MCTP1: variants seen among roughly 807,000 people sequenced by gnomAD.
The protein encoded by MCTP1 is multiple C2 and transmembrane domain containing 1.
Under a neutral mutation model 120.6 loss-of-function variants are expected in MCTP1, and 69 were observed. That is an observed-to-expected ratio of 0.57 (90% CI 0.47 to 0.70). MCTP1 has a LOEUF of 0.70. MCTP1 is among the 30% of genes least tolerant of loss of function. MCTP1 has a pLI of 0.00. For missense variants in MCTP1, 1,203 were observed against 1,248.8 expected (o/e 0.96, Z 0.55); for synonymous variants, 529 against 493.1 (o/e 1.07, Z -0.96).
chr5:95,071,035 T>C (rs1752015719), intron 1 of MCTP1, among the ~76,000 whole-genome samples: 1 of 152,022 alleles, frequency 6.6e-6, no homozygotes. Context: ...CCAAGCCAAA[T>C]GGACTGGAAC....
rs561892312 is a variant in MCTP1 at position 94,808,344 on chromosome 5, T to C, written c.2437-9212A>G. Reference sequence around the variant, plus strand: ...ACCTTTTCAAGGTGGTTTTAAAGTATGATGTGTTGCTCTTCTGAAGAGAGG... The same window carrying C: ...ACCTTTTCAAGGTGGTTTTAAAGTACGATGTGTTGCTCTTCTGAAGAGAGG... On this transcript the variant is annotated intron_variant, in intron 17 of 22. Coordinates refer to ENST00000515393, the MANE Select transcript of MCTP1 (RefSeq NM_024717.7). Among the ~76,000 whole-genome samples the C allele has an allele frequency of 4.6e-5, 7 of 152,312 alleles. No individual in the cohort carries two copies. In the South Asian group the frequency reaches 1.2e-3, roughly 27 times the overall value.
At chr5:94,931,380 A>G (rs1386098867) in intron 6 of MCTP1, 2 of 152,182 alleles carry the variant, frequency 1.3e-5, no homozygotes, top group East Asian at 1.9e-4. Flanking sequence ...ATCACTGAAC[A>G]AATTAAACAC....
intron 1 of MCTP1, among the ~76,000 whole-genome samples, chr5:95,216,771 G>A (rs187679013): frequency 1.3e-5 from 2 of 152,284 alleles, no homozygotes; most frequent in Admixed American, 1.3e-4. Context: ...CTGGCAACAA[G>A]CAAACAGATA....
chr5:95,119,968 C>T (rs531187955), intron 1 of MCTP1, among the ~76,000 whole-genome samples: 2 of 151,696 alleles, frequency 1.3e-5, no homozygotes, highest in Non-Finnish European at 2.9e-5. Context: ...GTCAGGAGAT[C>T]GAGACCATCC....
intron 1 of MCTP1, among the ~76,000 whole-genome samples, chr5:95,059,891 G>C (rs1378645944): frequency 6.6e-6 from 1 of 152,126 alleles, no homozygotes; most frequent in African/African-American, 2.4e-5. Flanking sequence ...TCTAAGGCAA[G>C]GGAAAAGGGA....
intron 17 of MCTP1, among the ~76,000 whole-genome samples, chr5:94,833,779 T>C (rs928884903): frequency 6.6e-6 from 1 of 152,198 alleles, no homozygotes; most frequent in African/African-American, 2.4e-5. Context: ...CCCTAGATTA[T>C]CTGCAGAAGA....
At chr5:94,980,392 C>T (rs1829133119) in intron 2 of MCTP1, among the ~76,000 whole-genome samples, 1 of 152,100 alleles carries the variant, frequency 6.6e-6, no homozygotes, top group African/African-American at 2.4e-5. Context: ...TAGTTACAAA[C>T]CCAGTAACAT....
intron 21 of MCTP1, chr5:94,710,482 C>T (rs959515577): frequency 4.6e-6 from 1 of 217,710 alleles, no homozygotes; most frequent in Middle Eastern, 1.5e-3. Flanking sequence ...TTCCTAAATG[C>T]ACCATATGGA....
At chr5:94,990,387 T>C (rs1275920788) in intron 2 of MCTP1, among the ~76,000 whole-genome samples, 3 of 152,196 alleles carry the variant, frequency 2.0e-5, no homozygotes, top group Admixed American at 6.6e-5. Context: ...CCCTGGGATC[T>C]TGGCCCAGGC....
intron 1 of MCTP1, among the ~76,000 whole-genome samples, chr5:95,070,828 C>T (rs994438202): frequency 6.6e-6 from 1 of 152,116 alleles, no homozygotes; most frequent in Non-Finnish European, 1.5e-5. Context: ...GTTTAAGAAG[C>T]AGATAAAGCT....
chr5:95,014,641 G>GT (rs1259116084), intron 2 of MCTP1, among the ~76,000 whole-genome samples: 7 of 152,020 alleles, frequency 4.6e-5, no homozygotes, highest in African/African-American at 1.7e-4. Context: ...TATTTGTACA[G>GT]TTCCTAGCCA....
chr5:95,231,819 T>A (rs923153848), intron 1 of MCTP1, among the ~76,000 whole-genome samples: 8 of 152,128 alleles, frequency 5.3e-5, no homozygotes, highest in Admixed American at 4.6e-4. Flanking sequence ...GTATTATAAA[T>A]GTCAAGAAGG....
intron 5 of MCTP1, among the ~76,000 whole-genome samples, chr5:94,932,518 C>T (rs1054323813): frequency 1.3e-5 from 2 of 151,956 alleles, no homozygotes; most frequent in South Asian, 2.1e-4. Context: ...TCCTGCTAAA[C>T]GTTTAGTGAA....
intron 11 of MCTP1, among the ~76,000 whole-genome samples, chr5:94,894,136 C>T (rs1320472646): frequency 1.3e-5 from 2 of 152,116 alleles, no homozygotes; most frequent in African/African-American, 4.8e-5. Context: ...AGAAGACTTC[C>T]TTTAATTCTA....
chr5:95,149,995 G>A (rs1760748304), intron 1 of MCTP1, among the ~76,000 whole-genome samples: 1 of 152,078 alleles, frequency 6.6e-6, no homozygotes, highest in Non-Finnish European at 1.5e-5. Flanking sequence ...GTGTCCCTTT[G>A]CTCCCTTGAT....
chr5:94,856,015 A>G lies in MCTP1; in HGVS notation c.2436+12318T>C, dbSNP rs72775352. ...ATTTCAGTGTAAAATTACTTTTTAA[A>G]AGATGAGAATCAAATACATTTAGGA... On this transcript the variant is annotated intron_variant, in intron 17 of 22. Transcript: ENST00000515393. Among the ~76,000 whole-genome samples the G allele has an allele frequency of 9.1e-3, 1,382 of 151,876 alleles. 15 individuals are homozygous for G. Among genetic ancestry groups the G allele is most frequent in the Non-Finnish European group, 0.011 (765 of 67,790 alleles).
intron 17 of MCTP1, among the ~76,000 whole-genome samples, chr5:94,837,875 A>G (rs758023688): frequency 4.6e-5 from 7 of 152,240 alleles, no homozygotes; most frequent in Non-Finnish European, 8.8e-5. Context: ...ATTTAACTAC[A>G]CTTGCCAGGA....
chr5:94,989,749 A>G (rs184608695), intron 2 of MCTP1, among the ~76,000 whole-genome samples: 108 of 152,242 alleles, frequency 7.1e-4, no homozygotes, highest in African/African-American at 2.5e-3. Context: ...CCTCTGGGGA[A>G]GGGTGAGGGG....
Position 95,206,001 on chromosome 5 carries a change from A to G in MCTP1, c.720+77855T>C, listed in dbSNP as rs140123964. Among the ~76,000 whole-genome samples, 5 of 151,990 alleles carry G rather than the reference A, an allele frequency of 3.3e-5. No individual in the cohort carries two copies. The South Asian group carries it at 8.3e-4, about 25-fold the overall frequency. Reference sequence around the variant, plus strand: ...AAGTTCCTTGAAAAGCTAAACATAGAGCTTCCATATGATCTAGCAATTCCA... The same window carrying G: ...AAGTTCCTTGAAAAGCTAAACATAGGGCTTCCATATGATCTAGCAATTCCA... On this transcript the variant is annotated intron_variant, in intron 1 of 22. Transcript: ENST00000515393.
Sources: allele counts gnomAD v4.1 joint callset (sites outside exome capture counted in the v4.1 genomes callset), GRCh38; gene constraint gnomAD v4.1.1; transcripts MANE v1.5; gene names NCBI Gene and HGNC (gene_info 2026-07-23, HGNC 2026-07-21).